CTNNA3: variants seen among roughly 807,000 people sequenced by gnomAD.
The protein encoded by CTNNA3 is catenin alpha 3.
Under a neutral mutation model 95.7 loss-of-function variants are expected in CTNNA3, and 76 were observed. That is an observed-to-expected ratio of 0.79 (90% confidence interval 0.66 to 0.96). The LOEUF (loss-of-function observed/expected upper bound fraction) is 0.96. Ranked by LOEUF, CTNNA3 falls within the 40% of genes least tolerant of loss-of-function variation. CTNNA3 has a pLI of 0.00. For missense variants in CTNNA3, 1,191 were observed against 1,089.8 expected (o/e 1.09, Z -1.31); for synonymous variants, 431 against 374.4 (o/e 1.15, Z -1.74).
intron 15 of CTNNA3, among the ~76,000 whole-genome samples, chr10:66,037,393 CAA>C (rs1258087150): frequency 6.6e-6 from 1 of 152,116 alleles, no homozygotes; most frequent in Non-Finnish European, 1.5e-5. Flanking sequence ...TATAATTTGA[CAA>C]GTCTCTTTAA....
At chr10:67,209,467 A>G (rs1049249341) in intron 6 of CTNNA3, among the ~76,000 whole-genome samples, 1 of 152,248 alleles carries the variant, frequency 6.6e-6, no homozygotes, top group African/African-American at 2.4e-5. Flanking sequence ...AACAGAAAAC[A>G]GAAGTAAGAA....
chr10:67,663,837 T>G (rs1840261751), intron 1 of CTNNA3, among the ~76,000 whole-genome samples: 1 of 152,220 alleles, frequency 6.6e-6, no homozygotes, highest in Admixed American at 6.5e-5. Flanking sequence ...AGCAGCGAGT[T>G]TCTAAGCTAG....
chr10:66,944,683 A>T (rs1374558848), intron 7 of CTNNA3, among the ~76,000 whole-genome samples: 3 of 152,232 alleles, frequency 2.0e-5, no homozygotes, highest in Non-Finnish European at 4.4e-5. Flanking sequence ...CATCAAAGGA[A>T]TTATCATCCA....
intron 7 of CTNNA3, among the ~76,000 whole-genome samples, chr10:66,872,014 G>C (rs1159177165): frequency 6.6e-6 from 1 of 152,024 alleles, no homozygotes. Context: ...ATTCTCTATT[G>C]AAACACTATC....
intron 1 of CTNNA3, chr10:67,750,460 C>A: frequency 6.6e-7 from 1 of 1,513,792 alleles, no homozygotes; most frequent in Non-Finnish European, 9.2e-7. Context: ...GGGAAGCCAT[C>A]CAAGAGAAGA....
chr10:67,263,342 A>T (rs1406133662), intron 5 of CTNNA3, among the ~76,000 whole-genome samples: 1 of 152,226 alleles, frequency 6.6e-6, no homozygotes, highest in East Asian at 1.9e-4. Context: ...ACTTTCAACA[A>T]CTTTCCTGTA....
chr10:67,727,034 A>C (rs1841235796), intron 1 of CTNNA3, among the ~76,000 whole-genome samples: 1 of 113,882 alleles, frequency 8.8e-6, no homozygotes, highest in Non-Finnish European at 1.6e-5. Flanking sequence ...ATTATATATA[A>C]TATATGATAC....
chr10:67,037,456 T>C (rs1238742116), intron 7 of CTNNA3, among the ~76,000 whole-genome samples: 1 of 152,108 alleles, frequency 6.6e-6, no homozygotes, highest in East Asian at 1.9e-4. Context: ...TATTAATTAT[T>C]AAAATTTCTT....
At position 65,913,589 on chromosome 10, in the gene CTNNA3, A is replaced by T. The variant is rs1417711000; in HGVS notation, c.*6741T>A. The T allele has an allele frequency of 6.6e-6, 1 of 152,168 alleles. No homozygotes were observed. The highest frequency in any genetic ancestry group is 1.5e-5 in the Non-Finnish European group (1 of 68,030). The allele number at this position is 152,168 out of a possible 1,614,324, so 9.4% of individuals were successfully genotyped here. A position where few individuals can be genotyped will look rare whatever the true frequency, so the allele number is the denominator to read the frequency against. ...CCCTATGGACACAATGTATACTAAC[A>T]TGTAAAAATACAGCATTATAATGGT... On this transcript the variant is annotated 3_prime_UTR_variant, in exon 18 of 18. Coordinates refer to ENST00000433211, the MANE Select transcript of CTNNA3 (RefSeq NM_013266.4).
At chr10:66,353,511 A>G (rs1260856306) in intron 12 of CTNNA3, among the ~76,000 whole-genome samples, 1 of 152,144 alleles carries the variant, frequency 6.6e-6, no homozygotes, top group African/African-American at 2.4e-5. Context: ...GAATCAAGTC[A>G]TAGCTTTTGC....
intron 4 of CTNNA3, among the ~76,000 whole-genome samples, chr10:67,525,312 T>C (rs373387582): frequency 6.6e-6 from 1 of 152,090 alleles, no homozygotes; most frequent in Non-Finnish European, 1.5e-5. Flanking sequence ...GTAAGCACTG[T>C]CAACACTCCC....
intron 3 of CTNNA3, among the ~76,000 whole-genome samples, chr10:67,597,040 T>G (rs1842953171): frequency 6.6e-6 from 1 of 152,240 alleles, no homozygotes; most frequent in Admixed American, 6.5e-5. Context: ...CTTCCTCAGC[T>G]TGATCTATTC....
At chr10:66,964,748 A>C (rs543454992) in intron 7 of CTNNA3, among the ~76,000 whole-genome samples, 1 of 152,256 alleles carries the variant, frequency 6.6e-6, no homozygotes, top group East Asian at 1.9e-4. Context: ...AAAACTGATA[A>C]GGCAGCATGG....
chr10:66,489,063 C>G (rs187926976), intron 11 of CTNNA3, among the ~76,000 whole-genome samples: 2 of 151,826 alleles, frequency 1.3e-5, no homozygotes, highest in African/African-American at 4.8e-5. Context: ...TCTTTGGAGC[C>G]GAGAAGACAG....
At chr10:66,091,860 AC>A (rs1256163082) in intron 14 of CTNNA3, among the ~76,000 whole-genome samples, 1 of 151,974 alleles carries the variant, frequency 6.6e-6, no homozygotes, top group African/African-American at 2.4e-5. Context: ...ACCAAGTAAT[AC>A]ATAAAACTTC....
chr10:66,610,481 A>G (rs1285349258), intron 10 of CTNNA3, among the ~76,000 whole-genome samples: 2 of 152,304 alleles, frequency 1.3e-5, no homozygotes, highest in Non-Finnish European at 2.9e-5. Flanking sequence ...GTTGGGGAAA[A>G]AAAAGTCCCA....
chr10:66,996,409 G>A (rs538398919), intron 7 of CTNNA3, among the ~76,000 whole-genome samples: 17 of 152,172 alleles, frequency 1.1e-4, no homozygotes, highest in African/African-American at 3.4e-4. Context: ...ACTTTGGGAG[G>A]CCGAGACGGG....
chr10:67,697,653 C>A (rs1440197208), upstream of CTNNA3, among the ~76,000 whole-genome samples: 1 of 152,038 alleles, frequency 6.6e-6, no homozygotes, highest in Non-Finnish European at 1.5e-5. Flanking sequence ...TTCAGAGATG[C>A]AATACAGATA....
chr10:66,079,869 T>C (rs1322653892), intron 14 of CTNNA3, among the ~76,000 whole-genome samples: 17 of 152,076 alleles, frequency 1.1e-4, no homozygotes, highest in Non-Finnish European at 7.4e-5. Context: ...GATTATGTAA[T>C]GCACAAAGAA....
Sources: allele counts gnomAD v4.1 joint callset (sites outside exome capture counted in the v4.1 genomes callset), GRCh38; gene constraint gnomAD v4.1.1; transcripts MANE v1.5; gene names NCBI Gene and HGNC (gene_info 2026-07-23, HGNC 2026-07-21).